RAD23B: variants seen among roughly 807,000 people sequenced by gnomAD.
RAD23B encodes the protein RAD23 nucleotide excision repair protein B.
RAD23B carries 5 observed loss-of-function variants against 49.1 expected under a neutral mutation model. That is an observed-to-expected ratio of 0.10 (90% CI 0.05 to 0.21). RAD23B has a LOEUF of 0.21. Among genes scored for constraint, RAD23B ranks in the 10% least tolerant of loss-of-function variants. RAD23B has a pLI of 1.00. For synonymous variants in RAD23B, 184 were observed against 165.4 expected, an observed-to-expected ratio of 1.11 and a Z score of -0.86; for missense variants, 356 against 486.7, an observed-to-expected ratio of 0.73 and a Z score of 2.53.
At chr9:107,310,168 C>T (rs534756572) in intron 4 of RAD23B, among the ~76,000 whole-genome samples, 1 of 151,976 alleles carries the variant, frequency 6.6e-6, no homozygotes, top group Non-Finnish European at 1.5e-5. Context: ...CTATTGAGAT[C>T]TCACCATCTA....
intron 2 of RAD23B, 96 bp downstream of exon 2, chr9:107,300,318 G>T: frequency 7.6e-7 from 1 of 1,312,930 alleles, no homozygotes; most frequent in South Asian, 1.9e-5. Context: ...CAAATTGTCA[G>T]AAAAATGATT....
chr9:107,283,711 G>GGGGCA lies in RAD23B; in HGVS notation c.66+19_66+20insCAGGG. 6.9e-7 allele frequency: 1 copy of GGGGCA among 1,448,200 alleles called. No individual in the cohort carries two copies. 89.7% of individuals were successfully genotyped at this position (1,448,200 alleles called of 1,614,324 possible). A position where few individuals can be genotyped will look rare whatever the true frequency, so the allele number is the denominator to read the frequency against. ...CGAGGAGACGGTATGCGCGCGGGCC[G>GGGGCA]GGGGCAGGGGCAGCCGCGTGCGGGC... On this transcript the variant is annotated intron_variant, in intron 1 of 9. Coordinates refer to ENST00000358015, the MANE Select transcript of RAD23B (RefSeq NM_002874.5).
rs564820092 is a variant in RAD23B at position 107,283,508 on chromosome 9, C to G, written c.-122C>G. 2 of 657,114 alleles carry G rather than the reference C, an allele frequency of 3.0e-6. No individual in the cohort carries two copies. The highest frequency in any genetic ancestry group is 6.8e-5 in the East Asian group (2 of 29,502). The allele number at this position is 657,114 out of a possible 1,614,324, so 40.7% of individuals were successfully genotyped here. ...GGGCGAATGTGACAAGCCCCCACCC[C>G]CACCGCCTTCCTCCCCAGAGCGCGA... On this transcript the variant is annotated 5_prime_UTR_variant, in exon 1 of 10. Transcript: ENST00000358015.
chr9:107,323,407 C>CT (rs1475837828), intron 7 of RAD23B, among the ~76,000 whole-genome samples: 4 of 152,080 alleles, frequency 2.6e-5, no homozygotes, highest in Non-Finnish European at 4.4e-5. Context: ...CTTTAAATAT[C>CT]TTTTTCTTCT....
At chr9:107,321,395 G>T (rs1827109172) in intron 6 of RAD23B, among the ~76,000 whole-genome samples, 1 of 152,042 alleles carries the variant, frequency 6.6e-6, no homozygotes, top group Admixed American at 6.6e-5. Flanking sequence ...GGATCAGTAG[G>T]GGAGATCCTC....
chr9:107,306,045 T>TTATATATATATA (rs1374828264), intron 3 of RAD23B, among the ~76,000 whole-genome samples: 31 of 26,782 alleles, frequency 1.2e-3, no homozygotes, highest in African/African-American at 3.7e-3. Context: ...ATGATACGGT[T>TTATATATATATA]TATATCTATA....
intron 1 of RAD23B, among the ~76,000 whole-genome samples, chr9:107,294,864 G>A (rs957834294): frequency 2.0e-5 from 3 of 152,158 alleles, no homozygotes; most frequent in East Asian, 1.9e-4. Flanking sequence ...GGGCTGGCCA[G>A]GGAGGAGGAT....
chr9:107,326,893 C>A (rs1827217109), intron 9 of RAD23B, among the ~76,000 whole-genome samples: 1 of 152,050 alleles, frequency 6.6e-6, no homozygotes, highest in African/African-American at 2.4e-5. Context: ...CCCGCCTCGG[C>A]CTCCTAAAGT....
intron 6 of RAD23B, among the ~76,000 whole-genome samples, chr9:107,320,095 C>T (rs1241352460): frequency 1.3e-5 from 2 of 152,212 alleles, no homozygotes; most frequent in Admixed American, 1.3e-4. Context: ...TTATAAGCCT[C>T]ATAACTGTAC....
At chr9:107,306,746 C>T in intron 4 of RAD23B, 99 bp downstream of exon 4, 1 of 1,311,888 alleles carries the variant, frequency 7.6e-7, no homozygotes, top group Non-Finnish European at 1.0e-6. Flanking sequence ...CCGACTATAT[C>T]TATTACGTTA....
intron 1 of RAD23B, among the ~76,000 whole-genome samples, chr9:107,299,672 C>T (rs148134944): frequency 1.3e-5 from 2 of 151,758 alleles, no homozygotes; most frequent in East Asian, 3.9e-4. Flanking sequence ...TTGTAAAGTC[C>T]CCCTGGTGAT....
intron 1 of RAD23B, among the ~76,000 whole-genome samples, chr9:107,296,045 G>A (rs1826514230): frequency 6.6e-6 from 1 of 152,134 alleles, no homozygotes; most frequent in African/African-American, 2.4e-5. Context: ...ACAGGAGATT[G>A]GTCACTTATA....
chr9:107,285,196 C>G (rs917708393), intron 1 of RAD23B, among the ~76,000 whole-genome samples: 5 of 152,038 alleles, frequency 3.3e-5, no homozygotes, highest in Non-Finnish European at 7.4e-5. Context: ...TTGACAATAC[C>G]CTGTGGACTG....
chr9:107,319,519 A>C (rs979128532), intron 6 of RAD23B, among the ~76,000 whole-genome samples: 3 of 152,166 alleles, frequency 2.0e-5, no homozygotes, highest in Non-Finnish European at 2.9e-5. Context: ...AAAAACTGGG[A>C]AATTTCACAT....
At chr9:107,288,908 A>G (rs1323321934) in intron 1 of RAD23B, among the ~76,000 whole-genome samples, 1 of 152,128 alleles carries the variant, frequency 6.6e-6, no homozygotes, top group Admixed American at 6.5e-5. Flanking sequence ...TGGGTAAGAG[A>G]TAAGAGAGTG....
At chr9:107,296,077 T>C (rs11573653) in intron 1 of RAD23B, among the ~76,000 whole-genome samples, 4,866 of 152,264 alleles carry the variant, frequency 0.032, 241 homozygotes, top group African/African-American at 0.11. Context: ...GGAGTGGTTT[T>C]TAGATGACAA....
At chr9:107,306,341 T>C (rs2133079846) in intron 3 of RAD23B, 38 bp from the exon 4 acceptor site, 1 of 1,581,726 alleles carries the variant, frequency 6.3e-7, no homozygotes, top group East Asian at 2.3e-5. Context: ...CAGTATGTAG[T>C]ATTTTATTGT....
rs1827175791 is a variant in RAD23B at position 107,324,943 on chromosome 9, C to T, written c.1055C>T (p.Ala352Val). 8 of 1,613,534 alleles carry T rather than the reference C, an allele frequency of 5.0e-6. No homozygotes were observed. The Admixed American group carries it at 1.0e-4, about 20-fold the overall frequency. Reference sequence around the variant, plus strand: ...GGTGGCAGTGGAGGAATTGCAGAAGCTGGAAGTGGTCATATGAACTACATT... The same window carrying T: ...GGTGGCAGTGGAGGAATTGCAGAAGTTGGAAGTGGTCATATGAACTACATT... ...GGGGSGGIAE[A>V]GSGHMNYIQV... Residue 352 changes from alanine to valine, a missense_variant, in exon 9 of 10, where the codon GCT becomes GTT. This residue lies in a region of RAD23B where 148 missense variants were observed against 231.7 expected (regional missense o/e 0.64). Transcript: ENST00000358015.
chr9:107,314,422 T>C (rs1185103000), intron 5 of RAD23B, among the ~76,000 whole-genome samples: 1 of 152,198 alleles, frequency 6.6e-6, no homozygotes, highest in Non-Finnish European at 1.5e-5. Context: ...CAGCTCCCAC[T>C]TGTGAGGACA....
Sources: allele counts gnomAD v4.1 joint callset (sites outside exome capture counted in the v4.1 genomes callset), GRCh38; gene constraint gnomAD v4.1.1; regional missense constraint gnomAD v4.1.1; transcripts MANE v1.5; gene names NCBI Gene and HGNC (gene_info 2026-07-23, HGNC 2026-07-21).